Variants in KDM4C observed in about 807,000 individuals in gnomAD.
KDM4C encodes the protein lysine-specific demethylase 4C.
A neutral mutation model predicts 129.3 loss-of-function variants in KDM4C; 81 were observed. That is an observed-to-expected ratio of 0.63 (90% CI 0.52 to 0.75). KDM4C has a LOEUF of 0.75. Among genes scored for constraint, KDM4C ranks in the 30% least tolerant of loss-of-function variants. The probability of loss-of-function intolerance (pLI) is 0.00; values close to 1 mark genes in which losing one functional copy is unlikely to be tolerated. For synonymous variants in KDM4C, 573 were observed against 456.1 expected, an observed-to-expected ratio of 1.26 and a Z score of -3.26; for missense variants, 1,457 against 1,304.0, an observed-to-expected ratio of 1.12 and a Z score of -1.81.
At chr9:7,001,822 A>G (rs780919184) in intron 12 of KDM4C, among the ~76,000 whole-genome samples, 1 of 151,402 alleles carries the variant, frequency 6.6e-6, no homozygotes, top group African/African-American at 2.4e-5. Context: ...TTGTTTTGCC[A>G]TCTTTTGACT....
intron 12 of KDM4C, among the ~76,000 whole-genome samples, chr9:7,010,357 C>T (rs1400928393): frequency 6.6e-6 from 1 of 152,170 alleles, no homozygotes; most frequent in Non-Finnish European, 1.5e-5. Flanking sequence ...TAATGCCACC[C>T]TTTGTGCTAC....
intron 17 of KDM4C, among the ~76,000 whole-genome samples, chr9:7,086,303 A>G (rs953824896): frequency 2.6e-5 from 4 of 152,236 alleles, no homozygotes; most frequent in African/African-American, 7.2e-5. Context: ...TAGGCCAAAC[A>G]GCATTTTTGT....
chr9:6,807,236 T>C (rs1830163296), intron 3 of KDM4C, among the ~76,000 whole-genome samples: 4 of 152,086 alleles, frequency 2.6e-5, no homozygotes. Context: ...CTCGGCTCAC[T>C]ATAACCTCCC....
At chr9:7,000,701 T>C (rs781217214) in intron 12 of KDM4C, among the ~76,000 whole-genome samples, 4 of 152,234 alleles carry the variant, frequency 2.6e-5, no homozygotes, top group Non-Finnish European at 5.9e-5. Context: ...TTCATACAAC[T>C]CAAGTGTGTT....
chr9:6,857,996 T>G (rs12337194), intron 5 of KDM4C, among the ~76,000 whole-genome samples: 21,876 of 147,938 alleles, frequency 0.15, 1,971 homozygotes, highest in African/African-American at 0.25. Flanking sequence ...ACTCCTGAGC[T>G]AAGGCAGTCT....
At chr9:7,001,893 G>A (rs147353119) in intron 12 of KDM4C, among the ~76,000 whole-genome samples, 2 of 151,944 alleles carry the variant, frequency 1.3e-5, no homozygotes, top group Non-Finnish European at 2.9e-5. Flanking sequence ...CCCATGAGTG[G>A]TTTTTGTTTG....
intron 8 of KDM4C, among the ~76,000 whole-genome samples, chr9:6,949,624 C>G: frequency 6.6e-6 from 1 of 152,230 alleles, no homozygotes; most frequent in South Asian, 2.1e-4. Flanking sequence ...AGATCACTCG[C>G]GGTTAGGAGC....
chr9:6,959,242 G>T (rs531063172), intron 8 of KDM4C, among the ~76,000 whole-genome samples: 1 of 152,314 alleles, frequency 6.6e-6, no homozygotes, highest in South Asian at 2.1e-4. Context: ...AAATCCCCAT[G>T]CTGGTCCCAC....
chr9:6,779,874 C>T (rs767566413), intron 1 of KDM4C, among the ~76,000 whole-genome samples: 1 of 152,108 alleles, frequency 6.6e-6, no homozygotes. Context: ...TGATAATAAT[C>T]CTTTCTAATA....
At chr9:6,762,030 C>T (rs570361129) in intron 1 of KDM4C, among the ~76,000 whole-genome samples, 3 of 151,802 alleles carry the variant, frequency 2.0e-5, no homozygotes, top group Middle Eastern at 3.4e-3. Context: ...GATCTCCTGA[C>T]CTCGTGATCC....
intron 3 of KDM4C, among the ~76,000 whole-genome samples, chr9:6,807,295 A>G (rs193286642): frequency 0.14 from 21,375 of 148,504 alleles, 2,180 homozygotes; most frequent in African/African-American, 0.29. Flanking sequence ...GCCTCTGCCC[A>G]GCCGCCAACC....
At chr9:6,738,303 C>A (rs1216742821) in intron 1 of KDM4C, among the ~76,000 whole-genome samples, 1 of 152,100 alleles carries the variant, frequency 6.6e-6, no homozygotes, top group Non-Finnish European at 1.5e-5. Context: ...ATGGAGAAAC[C>A]CCGTCTCTAC....
At chr9:7,076,463 G>A (rs1570512) in intron 17 of KDM4C, 983,869 of 1,547,624 alleles carry the variant, frequency 0.64, 314,373 homozygotes, top group Non-Finnish European at 0.65. Context: ...CACAGCAACA[G>A]TAACAACAAC....
At chr9:6,862,177 G>A (rs1461162534) in intron 5 of KDM4C, among the ~76,000 whole-genome samples, 1 of 152,136 alleles carries the variant, frequency 6.6e-6, no homozygotes, top group Non-Finnish European at 1.5e-5. Context: ...TTTAAGTGTG[G>A]TTAAAAAACT....
rs117721384 is a variant in KDM4C at position 6,774,028 on chromosome 9, C to T, written c.-18+15825C>T. On this transcript the variant is annotated intron_variant, in intron 1 of 21. Transcript: ENST00000381309. The stretch of plus-strand genomic sequence containing the variant: ...TCAGCCTCTTGAGTAGCTGGGACTA[C>T]AGGCGCATGCCACTATACCTGGTTA... Among the ~76,000 whole-genome samples the T allele has an allele frequency of 1.7e-3, 262 of 152,142 alleles. 5 individuals are homozygous for T. In the East Asian group the frequency reaches 0.042, roughly 25 times the overall value.
intron 8 of KDM4C, among the ~76,000 whole-genome samples, chr9:6,950,487 T>C (rs140361164): frequency 1.3e-5 from 2 of 152,196 alleles, no homozygotes; most frequent in African/African-American, 4.8e-5. Flanking sequence ...GAAGTATTTA[T>C]GTGAAAACCT....
At chr9:6,974,394 C>G (rs1207096001) in intron 8 of KDM4C, among the ~76,000 whole-genome samples, 1 of 152,138 alleles carries the variant, frequency 6.6e-6, no homozygotes, top group Non-Finnish European at 1.5e-5. Flanking sequence ...GAGTCTTACT[C>G]TGTCGTCCAG....
At chr9:6,779,990 G>T (rs1229384500) in intron 1 of KDM4C, among the ~76,000 whole-genome samples, 1 of 152,154 alleles carries the variant, frequency 6.6e-6, no homozygotes, top group Non-Finnish European at 1.5e-5. Flanking sequence ...AAACTAGCCA[G>T]CCACCTACAG....
At chr9:6,778,728 C>G (rs780170330) in intron 1 of KDM4C, among the ~76,000 whole-genome samples, 9 of 151,780 alleles carry the variant, frequency 5.9e-5, no homozygotes, top group Non-Finnish European at 1.2e-4. Flanking sequence ...GATCATGCCA[C>G]TACACTCCAG....
Sources: allele counts gnomAD v4.1 joint callset (sites outside exome capture counted in the v4.1 genomes callset), GRCh38; gene constraint gnomAD v4.1.1; transcripts MANE v1.5; gene names NCBI Gene and HGNC (gene_info 2026-07-23, HGNC 2026-07-21).